SEPTIN7: variants seen among roughly 807,000 people sequenced by gnomAD.
SEPTIN7 encodes septin 7.
A neutral mutation model predicts 63.3 loss-of-function variants in SEPTIN7; 10 were observed. That is an observed-to-expected ratio of 0.16 (90% CI 0.10 to 0.27). The LOEUF (loss-of-function observed/expected upper bound fraction) is 0.27. Among genes scored for constraint, SEPTIN7 ranks in the 10% least tolerant of loss-of-function variants. The pLI is 1.00. For missense variants in SEPTIN7, 310 were observed against 521.0 expected (o/e 0.59, Z 3.94); for synonymous variants, 131 against 165.3 (o/e 0.79, Z 1.59).
chr7:35,820,514 G>A (rs74843293), intron 1 of SEPTIN7, among the ~76,000 whole-genome samples: 84 of 152,028 alleles, frequency 5.5e-4, no homozygotes, highest in African/African-American at 1.7e-3. Context: ...GCAATCCTTC[G>A]TTGAGCTTCT....
At chr7:35,816,767 A>T (rs1583496959) in intron 1 of SEPTIN7, among the ~76,000 whole-genome samples, 1 of 152,090 alleles carries the variant, frequency 6.6e-6, no homozygotes, top group Admixed American at 6.6e-5. Flanking sequence ...AAACTATCCT[A>T]CTGGGTGTGA....
chr7:35,819,587 C>A (rs1033485752), intron 1 of SEPTIN7, among the ~76,000 whole-genome samples: 4 of 152,014 alleles, frequency 2.6e-5, no homozygotes, highest in Non-Finnish European at 5.9e-5. Flanking sequence ...CTTTCATTTT[C>A]TTAGCTTTGT....
intron 3 of SEPTIN7, among the ~76,000 whole-genome samples, chr7:35,851,526 A>C (rs890359496): frequency 6.6e-6 from 1 of 152,068 alleles, no homozygotes. Context: ...ATCTTGAGTA[A>C]TTTTTTTCTT....
the SEPTIN7 span, among the ~76,000 whole-genome samples, chr7:35,914,934 A>G: frequency 6.6e-6 from 1 of 152,088 alleles, no homozygotes; most frequent in South Asian, 2.1e-4. Flanking sequence ...GCACATATGT[A>G]TATGCACACG....
chr7:35,816,999 A>G (rs1210610179), intron 1 of SEPTIN7, among the ~76,000 whole-genome samples: 1 of 150,878 alleles, frequency 6.6e-6, no homozygotes, highest in Non-Finnish European at 1.5e-5. Context: ...AGTTCCTACA[A>G]TTCCACAGGT....
intron 9 of SEPTIN7, among the ~76,000 whole-genome samples, chr7:35,885,225 G>A (rs534617169): frequency 6.0e-4 from 91 of 152,142 alleles, no homozygotes; most frequent in African/African-American, 2.1e-3. Flanking sequence ...TCCCATCAGT[G>A]ACCTGTGTAC....
the SEPTIN7 span, among the ~76,000 whole-genome samples, chr7:35,914,831 CGT>C: frequency 2.0e-5 from 3 of 151,480 alleles, no homozygotes; most frequent in Non-Finnish European, 4.4e-5. Context: ...TAGATATGTA[CGT>C]GTGTGTATAT....
intron 3 of SEPTIN7, among the ~76,000 whole-genome samples, chr7:35,860,689 A>G (rs1324377800): frequency 6.6e-6 from 1 of 152,186 alleles, no homozygotes. Flanking sequence ...CAGGCCTCCA[A>G]GGTTTCTGCC....
At chr7:35,882,649 A>G (rs1562574493) in intron 8 of SEPTIN7, 73 bp downstream of exon 8, 1 of 1,213,988 alleles carries the variant, frequency 8.2e-7, no homozygotes, top group Admixed American at 4.5e-5. Flanking sequence ...CACAGGAAAG[A>G]TCAAAAGTAT....
chr7:35,909,521 A>C (rs1788701101), downstream of SEPTIN7, among the ~76,000 whole-genome samples: 1 of 152,226 alleles, frequency 6.6e-6, no homozygotes, highest in Admixed American at 6.5e-5. Flanking sequence ...ATCCCACCAA[A>C]TGCGAATGTT....
chr7:35,810,395 C>T (rs1788614485), intron 1 of SEPTIN7, among the ~76,000 whole-genome samples: 1 of 151,074 alleles, frequency 6.6e-6, no homozygotes, highest in African/African-American at 2.4e-5. Context: ...GCGATCTCAG[C>T]TCATTGCCAG....
chr7:35,829,534 G>A (rs1783717073), intron 1 of SEPTIN7, among the ~76,000 whole-genome samples: 1 of 152,220 alleles, frequency 6.6e-6, no homozygotes. Context: ...GGATAAAGCA[G>A]TGAATAAGAG....
intron 3 of SEPTIN7, among the ~76,000 whole-genome samples, chr7:35,851,743 A>G (rs919113802): frequency 1.3e-5 from 2 of 152,202 alleles, no homozygotes; most frequent in Non-Finnish European, 2.9e-5. Context: ...AATTGTAGTT[A>G]TAAGTCACTT....
At position 35,904,424 on chromosome 7, in the gene SEPTIN7, T is replaced by A. The variant is rs559384753; in HGVS notation, c.*131T>A. 2.1e-4 allele frequency: 135 copies of A among 640,432 alleles called. 4 individuals are homozygous for A. In the South Asian group the frequency reaches 4.4e-3, roughly 21 times the overall value. The allele number at this position is 640,432 out of a possible 1,614,324, so 39.7% of individuals were successfully genotyped here. A position where few individuals can be genotyped will look rare whatever the true frequency, so the allele number is the denominator to read the frequency against. ...GATGGATTTAACAGCATGACAAAAA[T>A]TATTTTTTTTTTTGTTCTTGATGGA... On this transcript the variant is annotated 3_prime_UTR_variant, in exon 14 of 14. Coordinates refer to ENST00000350320, the MANE Select transcript of SEPTIN7 (RefSeq NM_001788.6).
At position 35,875,955 on chromosome 7, in the gene SEPTIN7, C is replaced by A. The variant is rs192862208; in HGVS notation, c.512+2180C>A. ...AAACTAAATTTGTTGATGAAAAGAC[C>A]AGCCAATATAAAACTAAATGGACAG... is the stretch of plus-strand genomic sequence containing the variant. On this transcript the variant is annotated intron_variant, in intron 6 of 13. Coordinates refer to ENST00000350320, the MANE Select transcript of SEPTIN7 (RefSeq NM_001788.6). Among the ~76,000 whole-genome samples, 997 of 152,122 alleles carry A rather than the reference C, an allele frequency of 6.6e-3. 13 individuals carry two copies. The highest frequency in any genetic ancestry group is 0.023 in the African/African-American group (958 of 41,496).
intron 1 of SEPTIN7, among the ~76,000 whole-genome samples, chr7:35,827,221 T>G (rs1036936104): frequency 6.6e-6 from 1 of 152,262 alleles, no homozygotes; most frequent in Non-Finnish European, 1.5e-5. Context: ...AGGAATACTT[T>G]AAAGACCTAG....
intron 4 of SEPTIN7, among the ~76,000 whole-genome samples, chr7:35,865,084 G>A (rs1785733879): frequency 1.3e-5 from 2 of 148,278 alleles, no homozygotes; most frequent in Admixed American, 1.3e-4. Context: ...GCAAAATTAT[G>A]CTCTAAAAAC....
intron 6 of SEPTIN7, among the ~76,000 whole-genome samples, chr7:35,874,770 GGAGTA>G (rs957408113): frequency 1.6e-4 from 25 of 152,050 alleles, no homozygotes; most frequent in African/African-American, 5.8e-4. Context: ...AGATTGTAGT[GGAGTA>G]AAGATGTTTC....
At chr7:35,836,385 C>T (rs924487021) in intron 3 of SEPTIN7, among the ~76,000 whole-genome samples, 10 of 152,056 alleles carry the variant, frequency 6.6e-5, no homozygotes, top group African/African-American at 2.4e-4. Flanking sequence ...AGTATTAAAC[C>T]TATTATTCTG....
Sources: allele counts gnomAD v4.1 joint callset (sites outside exome capture counted in the v4.1 genomes callset), GRCh38; gene constraint gnomAD v4.1.1; transcripts MANE v1.5; gene names NCBI Gene and HGNC (gene_info 2026-07-23, HGNC 2026-07-21).